Variants in COQ10B observed in about 807,000 individuals in gnomAD.
COQ10B encodes the protein coenzyme Q10B, also known as coenzyme Q-binding protein COQ10 homolog B, mitochondrial.
A neutral mutation model predicts 27.6 loss-of-function variants in COQ10B; 12 were observed. The ratio of observed to expected loss-of-function variants is 0.43; its 90% CI spans 0.28 to 0.70. The LOEUF (loss-of-function observed/expected upper bound fraction) is 0.70, where lower values mean the gene tolerates loss of function less well. Ranked by LOEUF, COQ10B falls within the 30% of genes least tolerant of loss-of-function variation. The probability of loss-of-function intolerance (pLI) is 0.17; values close to 1 mark genes in which losing one functional copy is unlikely to be tolerated. For synonymous variants in COQ10B, 115 were observed against 103.0 expected (o/e 1.12, Z -0.71); for missense variants, 278 against 288.7 (o/e 0.96, Z 0.27).
chr2:197,459,888 A>T (rs1025057092), intron 1 of COQ10B, 44 bp from the exon 2 acceptor site: 12 of 1,464,682 alleles, frequency 8.2e-6, no homozygotes, highest in Non-Finnish European at 1.0e-5. Context: ...GCTTCCTTTT[A>T]ATTTTTACTG....
At chr2:197,458,122 T>C (rs1351600707) in intron 1 of COQ10B, among the ~76,000 whole-genome samples, 1 of 151,378 alleles carries the variant, frequency 6.6e-6, no homozygotes, top group Non-Finnish European at 1.5e-5. Flanking sequence ...TTTTCTTTTT[T>C]TTTTTTCTTC....
chr2:197,453,920 A>T, intron 1 of COQ10B: 1 of 1,532,902 alleles, frequency 6.5e-7, no homozygotes, highest in Non-Finnish European at 8.8e-7. Flanking sequence ...TTTGGAAGCA[A>T]TTTGGCCATT....
At chr2:197,463,964 AATATATATATATAT>A (rs879356506) in intron 3 of COQ10B, among the ~76,000 whole-genome samples, 18 of 28,182 alleles carry the variant, frequency 6.4e-4, no homozygotes, top group African/African-American at 2.9e-3. Context: ...AAAAAAAAAA[AATATATATATATAT>A]ATATATATAT....
intron 1 of COQ10B, among the ~76,000 whole-genome samples, chr2:197,457,515 A>G (rs890390233): frequency 6.6e-6 from 1 of 152,180 alleles, no homozygotes; most frequent in Admixed American, 6.5e-5. Flanking sequence ...TTGCTTTTTT[A>G]TATTTTCATT....
At chr2:197,473,399 C>CCCA (rs1390773921) in intron 4 of COQ10B, among the ~76,000 whole-genome samples, 1 of 95,658 alleles carries the variant, frequency 1.0e-5, no homozygotes, top group African/African-American at 4.9e-5. Context: ...ACGCCCCCCC[C>CCCA]CACAAAAAAA....
chr2:197,464,609 C>G (rs977820033), intron 3 of COQ10B, among the ~76,000 whole-genome samples: 2 of 152,118 alleles, frequency 1.3e-5, no homozygotes, highest in Non-Finnish European at 2.9e-5. Flanking sequence ...TTTTAAACTA[C>G]TTTCTGTCGT....
intron 3 of COQ10B, among the ~76,000 whole-genome samples, chr2:197,466,199 T>C (rs143899776): frequency 6.7e-4 from 102 of 152,342 alleles, no homozygotes; most frequent in African/African-American, 2.4e-3. Context: ...CACGTAATAC[T>C]ATACTTGATG....
intron 2 of COQ10B, 129 bp downstream of exon 2, chr2:197,460,210 C>CT (rs781514263): frequency 0.15 from 56,009 of 371,948 alleles, 280 homozygotes; most frequent in East Asian, 0.22. Context: ...TGGCCTTTTT[C>CT]TTTTTTTTTT....
chr2:197,465,068 G>T (rs1318879810), intron 3 of COQ10B, among the ~76,000 whole-genome samples: 2 of 151,650 alleles, frequency 1.3e-5, no homozygotes, highest in Non-Finnish European at 2.9e-5. Flanking sequence ...TATATTTTTA[G>T]TAGAGACAGG....
chr2:197,468,488 C>T (rs1228256872), intron 3 of COQ10B, among the ~76,000 whole-genome samples: 1 of 149,954 alleles, frequency 6.7e-6, no homozygotes, highest in Non-Finnish European at 1.5e-5. Flanking sequence ...TGCTATGTTA[C>T]AGTGAATACT....
At chr2:197,461,055 A>G (rs2085752183) in intron 2 of COQ10B, among the ~76,000 whole-genome samples, 1 of 152,182 alleles carries the variant, frequency 6.6e-6, no homozygotes, top group African/African-American at 2.4e-5. Flanking sequence ...CATTTCGTTA[A>G]TTTTACTCAT....
intron 4 of COQ10B, among the ~76,000 whole-genome samples, chr2:197,472,445 A>AC (rs1462843500): frequency 6.6e-6 from 1 of 152,002 alleles, no homozygotes; most frequent in Non-Finnish European, 1.5e-5. Context: ...AAACAAAACA[A>AC]AACAACAACA....
At position 197,454,927 on chromosome 2, in the gene COQ10B, G is replaced by T. The variant is rs889192069; in HGVS notation, c.104+1263G>T. ...TCCAGTTGTCCAGTATTCATTTCATGGTTTAACTGTATATATGAATGTGTG... is the reference window on the plus strand; with the variant it reads ...TCCAGTTGTCCAGTATTCATTTCATTGTTTAACTGTATATATGAATGTGTG... On this transcript the variant is annotated intron_variant, in intron 1 of 4. Transcript: ENST00000263960. Among the ~76,000 whole-genome samples, 3 of 152,060 alleles carry T rather than the reference G, an allele frequency of 2.0e-5. No individual in the cohort carries two copies. In the East Asian group the frequency reaches 5.8e-4, roughly 29 times the overall value.
intron 4 of COQ10B, among the ~76,000 whole-genome samples, chr2:197,471,745 C>A (rs1201269611): frequency 6.6e-6 from 1 of 151,946 alleles, no homozygotes; most frequent in Non-Finnish European, 1.5e-5. Context: ...AGTTTGAGAC[C>A]AGCCTGGCCA....
intron 4 of COQ10B, among the ~76,000 whole-genome samples, chr2:197,470,977 G>C (rs1182795877): frequency 6.6e-6 from 1 of 152,152 alleles, no homozygotes; most frequent in Non-Finnish European, 1.5e-5. Flanking sequence ...CTGACGAGCA[G>C]ATCACTTGAG....
intron 2 of COQ10B, among the ~76,000 whole-genome samples, chr2:197,460,730 T>G (rs574486107): frequency 1.3e-5 from 2 of 152,348 alleles, no homozygotes; most frequent in East Asian, 3.9e-4. Context: ...CTAGAGCCTT[T>G]GGTAAACATT....
intron 1 of COQ10B, among the ~76,000 whole-genome samples, chr2:197,458,271 C>T (rs777780877): frequency 5.3e-5 from 8 of 151,898 alleles, no homozygotes; most frequent in Non-Finnish European, 1.0e-4. Flanking sequence ...GCTACTAATG[C>T]CTATGTGTAT....
At chr2:197,460,262 C>G (rs906588157) in intron 2 of COQ10B, among the ~76,000 whole-genome samples, 181 bp downstream of exon 2, 1 of 147,494 alleles carries the variant, frequency 6.8e-6, no homozygotes, top group Admixed American at 6.9e-5. Flanking sequence ...AGTGCAGTGG[C>G]GCAATCTTGG....
In COQ10B at chr2:197,474,817, C is replaced by CTTTTTTTTTTTTTT. The variant is rs10640829; in HGVS notation, c.*897_*910dup. The CTTTTTTTTTTTTTT allele has an allele frequency of 1.5e-5, 2 of 133,268 alleles. No homozygotes were observed. Among genetic ancestry groups the CTTTTTTTTTTTTTT allele is most frequent in the African/African-American group, 2.8e-5 (1 of 36,276 alleles). The allele number at this position is 133,268 out of a possible 1,614,324, so 8.3% of individuals were successfully genotyped here. On this transcript the variant is annotated 3_prime_UTR_variant, in exon 5 of 5. Transcript: ENST00000263960. Reference sequence around the variant, plus strand: ...TCCCAGATAAACAGTGTATTTTCTTCTTTTTTTTTTTTTTTTTGGTGAGTG... The same window carrying CTTTTTTTTTTTTTT: ...TCCCAGATAAACAGTGTATTTTCTTCTTTTTTTTTTTTTTTTTTTTTTTTTTTTTTTGGTGAGTG...
Sources: gnomAD v4.1 joint callset for allele counts (sites outside exome capture counted in the v4.1 genomes callset) on GRCh38, gnomAD v4.1.1 for gene constraint, MANE v1.5 for transcripts, NCBI Gene and HGNC (gene_info 2026-07-23, HGNC 2026-07-21) for gene names.